The following TOPAZ1 variants were observed in gnomAD, a reference collection of about 807,000 sequenced individuals.
TOPAZ1 encodes protein TOPAZ1.
A neutral mutation model predicts 172.2 loss-of-function variants in TOPAZ1; 66 were observed. The observed-to-expected ratio is 0.38, with a 90% CI of 0.31 to 0.47. The LOEUF is 0.47. Among genes scored for constraint, TOPAZ1 ranks in the 20% least tolerant of loss-of-function variants. TOPAZ1 has a pLI of 0.99. For synonymous variants in TOPAZ1, 681 were observed against 683.9 expected (o/e 1.00, Z 0.07); for missense variants, 1,822 against 1,972.4 (o/e 0.92, Z 1.44).
intron 7 of TOPAZ1, among the ~76,000 whole-genome samples, chr3:44,269,928 A>G (rs531088235): frequency 6.6e-6 from 1 of 152,168 alleles, no homozygotes; most frequent in Non-Finnish European, 1.5e-5. Flanking sequence ...CCAGCCTATC[A>G]TCATTTTTTA....
downstream of TOPAZ1, among the ~76,000 whole-genome samples, chr3:44,333,844 G>A (rs1320941136): frequency 6.6e-6 from 1 of 152,200 alleles, no homozygotes; most frequent in Non-Finnish European, 1.5e-5. Flanking sequence ...AGATAGATAG[G>A]AGGATGCAGA....
At chr3:44,333,755 C>T (rs1167389929), downstream of TOPAZ1, among the ~76,000 whole-genome samples, 2 of 151,970 alleles carry the variant, frequency 1.3e-5, no homozygotes, top group African/African-American at 2.4e-5. Flanking sequence ...ATCAAAGCCC[C>T]GACAACAAAA....
intron 8 of TOPAZ1, among the ~76,000 whole-genome samples, chr3:44,278,961 G>A (rs1699994010): frequency 6.6e-6 from 1 of 151,640 alleles, no homozygotes; most frequent in African/African-American, 2.4e-5. Context: ...TTTTAACATA[G>A]GCATTTAATG....
At chr3:44,256,361 G>A (rs757252619) in intron 4 of TOPAZ1, 83 bp downstream of exon 4, 11 of 1,327,792 alleles carry the variant, frequency 8.3e-6, no homozygotes, top group Non-Finnish European at 1.0e-5. Flanking sequence ...GTGCTATCGG[G>A]TGGCAAGTGT....
intron 9 of TOPAZ1, among the ~76,000 whole-genome samples, chr3:44,285,159 A>G (rs978204079): frequency 4.6e-5 from 7 of 152,022 alleles, no homozygotes; most frequent in Admixed American, 1.3e-4. Context: ...TGAATTGACA[A>G]CCCTTTTTAA....
Position 44,256,079 on chromosome 3 carries a change from T to A in TOPAZ1, c.2828-72T>A, listed in dbSNP as rs1489579745. On this transcript the variant is annotated intron_variant, in intron 3 of 19. Coordinates refer to ENST00000309765, the MANE Select transcript of TOPAZ1 (RefSeq NM_001145030.2). The stretch of plus-strand genomic sequence containing the variant: ...GAGCCTCTGAATTCTGAGTCATTTT[T>A]TAGAACAGCCTTTGAATAACTCAGT... 8.2e-6 allele frequency: 10 copies of A among 1,212,814 alleles called. No homozygotes were observed. The East Asian group carries it at 2.8e-4, about 34-fold the overall frequency. The allele number at this position is 1,212,814 out of a possible 1,614,324, so 75.1% of individuals were successfully genotyped here.
chr3:44,285,593 G>A (rs1038297951), intron 9 of TOPAZ1, among the ~76,000 whole-genome samples: 7 of 151,972 alleles, frequency 4.6e-5, no homozygotes, highest in Admixed American at 6.6e-5. Flanking sequence ...TTTTTGAGAC[G>A]GAGTCTTCCC....
At chr3:44,245,834 C>A (rs941433308) in intron 2 of TOPAZ1, among the ~76,000 whole-genome samples, 9 of 152,096 alleles carry the variant, frequency 5.9e-5, no homozygotes, top group African/African-American at 2.2e-4. Context: ...CCACCGCACC[C>A]AGCCCATAGA....
rs376322841 is a variant in TOPAZ1, at chr3:44,315,614, C to T, written c.4307-5413C>T. ...CTCAAACTGCTGGCCTCAGGTGATC[C>T]GCCCACCTTGGCCTCCCAAAGTGCT... On this transcript the variant is annotated intron_variant, in intron 16 of 19. Transcript: ENST00000309765. Among the ~76,000 whole-genome samples, 27 of 151,042 alleles carry T rather than the reference C, an allele frequency of 1.8e-4. No individual in the cohort carries two copies. In the East Asian group the frequency reaches 4.1e-3, roughly 23 times the overall value.
In TOPAZ1 at chr3:44,310,009, A is replaced by C; in HGVS notation, c.4306+19A>C. Reference sequence around the variant, plus strand: ...ATGAGGGGTAAGTCCTGATATATGCAAGCATAAAATAATTCGTTATACTTG... The same window carrying C: ...ATGAGGGGTAAGTCCTGATATATGCCAGCATAAAATAATTCGTTATACTTG... On this transcript the variant is annotated intron_variant, in intron 16 of 19. Transcript: ENST00000309765. 6.5e-7 allele frequency: 1 copy of C among 1,529,588 alleles called. No individual in the cohort carries two copies. The highest frequency in any genetic ancestry group is 1.2e-5 in the South Asian group (1 of 80,170). The allele number at this position is 1,529,588 out of a possible 1,614,324, so 94.8% of individuals were successfully genotyped here.
In TOPAZ1 at chr3:44,331,804, C is replaced by G; in HGVS notation, c.4872C>G (p.Asn1624Lys). Residue 1624 changes from asparagine (N) to lysine (K), a missense_variant, in exon 20 of 20, where the codon AAC becomes AAG. Transcript: ENST00000309765. ...GTTCATTTTATAGGTGTGAAGACAA[C>G]CAGTCTCGGAGCAATGATGATTATC... is the stretch of plus-strand genomic sequence containing the variant. ...LQIVLKRCED[N>K]QSRSNDDYQA... 6.4e-7 allele frequency: 1 copy of G among 1,551,576 alleles called. No individual in the cohort carries two copies. The highest frequency in any genetic ancestry group is 1.2e-5 in the South Asian group (1 of 84,048).
At chr3:44,280,423 C>T (rs142870613) in intron 8 of TOPAZ1, among the ~76,000 whole-genome samples, 28 of 151,352 alleles carry the variant, frequency 1.8e-4, no homozygotes, top group East Asian at 7.8e-4. Flanking sequence ...GATCTCAGCT[C>T]GCTGCAGCTT....
intron 18 of TOPAZ1, among the ~76,000 whole-genome samples, chr3:44,324,857 AT>A (rs1289772105): frequency 3.3e-5 from 5 of 152,140 alleles, no homozygotes; most frequent in Admixed American, 1.3e-4. Flanking sequence ...ACTTTTAAAG[AT>A]TTTTTTAGCA....
At chr3:44,326,984 G>A (rs112296643) in intron 18 of TOPAZ1, among the ~76,000 whole-genome samples, 9 of 152,168 alleles carry the variant, frequency 5.9e-5, no homozygotes, top group African/African-American at 2.2e-4. Context: ...AAGTTAATGA[G>A]TTAACAGTTT....
chr3:44,300,399 G>A (rs1700257522), intron 12 of TOPAZ1, among the ~76,000 whole-genome samples: 1 of 151,168 alleles, frequency 6.6e-6, no homozygotes, highest in Non-Finnish European at 1.5e-5. Context: ...CTGCACTCCA[G>A]CTTGGGCGAC....
At chr3:44,292,258 G>A (rs1700145956) in intron 12 of TOPAZ1, among the ~76,000 whole-genome samples, 1 of 152,074 alleles carries the variant, frequency 6.6e-6, no homozygotes, top group Non-Finnish European at 1.5e-5. Context: ...ACACTGTTTA[G>A]GCTAAATAGA....
At chr3:44,253,089 GA>G (rs1236669608) in intron 2 of TOPAZ1, among the ~76,000 whole-genome samples, 1 of 152,208 alleles carries the variant, frequency 6.6e-6, no homozygotes, top group Non-Finnish European at 1.5e-5. Flanking sequence ...TGAAGCTACA[GA>G]ATGTGCAAAA....
chr3:44,307,022 TTTTG>T (rs1025588750), intron 15 of TOPAZ1, among the ~76,000 whole-genome samples: 22 of 152,120 alleles, frequency 1.4e-4, no homozygotes, highest in African/African-American at 4.6e-4. Context: ...TGTGGGGTTT[TTTTG>T]TTTGTTTGTT....
intron 2 of TOPAZ1, among the ~76,000 whole-genome samples, chr3:44,246,304 A>G (rs1699566207): frequency 6.6e-6 from 1 of 152,180 alleles, no homozygotes; most frequent in African/African-American, 2.4e-5. Context: ...ACTTAATTTT[A>G]TAATTCCTGA....
Sources: gnomAD v4.1 joint callset for allele counts (sites outside exome capture counted in the v4.1 genomes callset) on GRCh38, gnomAD v4.1.1 for gene constraint, MANE v1.5 for transcripts, NCBI Gene and HGNC (gene_info 2026-07-23, HGNC 2026-07-21) for gene names.